PTBP2: variants seen among roughly 807,000 people sequenced by gnomAD.
PTBP2 encodes polypyrimidine tract binding protein 2.
A neutral mutation model predicts 61.4 loss-of-function variants in PTBP2; 13 were observed. The observed-to-expected ratio is 0.21, with a 90% confidence interval of 0.14 to 0.34. The LOEUF is 0.34. Ranked by LOEUF, PTBP2 falls within the 10% of genes least tolerant of loss-of-function variation. PTBP2 has a pLI of 1.00. For missense variants in PTBP2, 405 were observed against 642.6 expected, an observed-to-expected ratio of 0.63 and a Z score of 4.00; for synonymous variants, 215 against 218.5, an observed-to-expected ratio of 0.98 and a Z score of 0.14.
At chr1:96,737,860 T>C (rs1168819227) in intron 2 of PTBP2, among the ~76,000 whole-genome samples, 5 of 152,206 alleles carry the variant, frequency 3.3e-5, no homozygotes, top group African/African-American at 1.2e-4. Flanking sequence ...ATATATGTTT[T>C]CATAACTACT....
At chr1:96,819,389 C>T (rs1427973787), downstream of PTBP2, 3 of 151,962 alleles carry the variant, frequency 2.0e-5, no homozygotes, top group African/African-American at 7.2e-5. Context: ...TTATGGCTAG[C>T]AATCTTATCT....
chr1:96,735,183 G>T (rs1287673232), intron 2 of PTBP2, among the ~76,000 whole-genome samples: 1 of 152,106 alleles, frequency 6.6e-6, no homozygotes, highest in East Asian at 1.9e-4. Context: ...TTCCCAAAGT[G>T]CTGGGATTAT....
At chr1:96,759,961 GAA>G (rs1341811936) in intron 3 of PTBP2, among the ~76,000 whole-genome samples, 6 of 152,186 alleles carry the variant, frequency 3.9e-5, no homozygotes, top group Non-Finnish European at 8.8e-5. Flanking sequence ...AACAGGCAAA[GAA>G]AAGAGAGCTT....
At chr1:96,758,970 T>A (rs896469811) in intron 3 of PTBP2, among the ~76,000 whole-genome samples, 1 of 152,176 alleles carries the variant, frequency 6.6e-6, no homozygotes, top group East Asian at 1.9e-4. Context: ...GGATACAAGT[T>A]CTATGTACAG....
chr1:96,806,973 T>C lies in PTBP2; in HGVS notation c.1171+15T>C, dbSNP rs1661551880. On this transcript the variant is annotated intron_variant, in intron 11 of 13. Coordinates refer to ENST00000674951, the MANE Select transcript of PTBP2 (RefSeq NM_021190.4). ...ATCACAACTTGGTAAGATTAAACTATGTTTTATCTATACATCTTCACTTCT... is the reference window on the plus strand; with the variant it reads ...ATCACAACTTGGTAAGATTAAACTACGTTTTATCTATACATCTTCACTTCT... 1.3e-6 allele frequency: 2 copies of C among 1,555,148 alleles called. No individual in the cohort carries two copies. Among genetic ancestry groups the C allele is most frequent in the Admixed American group, 1.8e-5 (1 of 55,592 alleles).
chr1:96,774,174 T>C (rs1449535841), intron 5 of PTBP2, among the ~76,000 whole-genome samples: 2 of 151,964 alleles, frequency 1.3e-5, no homozygotes, highest in Non-Finnish European at 2.9e-5. Context: ...TTGTTGTTGT[T>C]TTCTTCTTTT....
intron 2 of PTBP2, among the ~76,000 whole-genome samples, chr1:96,725,926 T>C (rs1399126972): frequency 6.6e-6 from 1 of 151,066 alleles, no homozygotes; most frequent in Non-Finnish European, 1.5e-5. Context: ...ATACAAAAAA[T>C]TAGCCGGGTG....
At chr1:96,733,844 C>T (rs554676296) in intron 2 of PTBP2, among the ~76,000 whole-genome samples, 3 of 152,316 alleles carry the variant, frequency 2.0e-5, no homozygotes, top group African/African-American at 7.2e-5. Context: ...TTAGCCTACT[C>T]AGCGTGAAGA....
At position 96,751,499 on chromosome 1, in the gene PTBP2, A is replaced by G. The variant is rs146408507; in HGVS notation, c.114A>G (p.Thr38=). The G allele has an allele frequency of 2.9e-5, 46 of 1,610,188 alleles. No homozygotes were observed. Among genetic ancestry groups the G allele is most frequent in the Non-Finnish European group, 3.7e-5 (43 of 1,177,072 alleles). Residue 38 remains threonine (T), a splice_region_variant and synonymous_variant, in exon 3 of 14, where the codon ACA becomes ACG. Coordinates refer to ENST00000674951, the MANE Select transcript of PTBP2 (RefSeq NM_021190.4). ...CTAATATGAGCAGCATGGTAGTTAC[A>G]GGTAAGTGTTACTCTCTTAGCAGTC... The part of the protein sequence containing the change: ...PNSNMSSMVV[T]ANGNDSKKFK...
chr1:96,818,943 A>T (rs181147680), downstream of PTBP2: 1 of 152,116 alleles, frequency 6.6e-6, no homozygotes, highest in East Asian at 1.9e-4. Flanking sequence ...TATAATACTG[A>T]TCAAAAGAAA....
intron 7 of PTBP2, among the ~76,000 whole-genome samples, chr1:96,780,254 T>C (rs1182843853): frequency 6.6e-6 from 1 of 151,930 alleles, no homozygotes; most frequent in Non-Finnish European, 1.5e-5. Context: ...ATTGGCCACT[T>C]TTCACCAGTT....
At chr1:96,762,307 C>T (rs1379388828) in intron 3 of PTBP2, among the ~76,000 whole-genome samples, 9 of 150,064 alleles carry the variant, frequency 6.0e-5, no homozygotes, top group Middle Eastern at 7.0e-3. Flanking sequence ...TAGGGGCGGC[C>T]GGGCAGAGGC....
At chr1:96,779,705 C>G (rs1658437649) in intron 7 of PTBP2, among the ~76,000 whole-genome samples, 1 of 152,092 alleles carries the variant, frequency 6.6e-6, no homozygotes, top group Admixed American at 6.6e-5. Context: ...TCAGAACTCA[C>G]ACTTCACTTA....
chr1:96,763,753 G>T (rs1346544582), intron 3 of PTBP2, among the ~76,000 whole-genome samples: 1 of 152,140 alleles, frequency 6.6e-6, no homozygotes, highest in Non-Finnish European at 1.5e-5. Context: ...TTTAATACAA[G>T]AAGTCAGTTT....
chr1:96,737,664 T>C (rs1441076030), intron 2 of PTBP2, among the ~76,000 whole-genome samples: 4 of 152,140 alleles, frequency 2.6e-5, no homozygotes, highest in Non-Finnish European at 5.9e-5. Flanking sequence ...GTTGAGGAAG[T>C]AAGTAATTTT....
intron 8 of PTBP2, among the ~76,000 whole-genome samples, chr1:96,795,452 T>C (rs1660281959): frequency 6.6e-6 from 1 of 152,160 alleles, no homozygotes. Flanking sequence ...AAGAGTTCTG[T>C]GGAGTTGTGA....
intron 2 of PTBP2, among the ~76,000 whole-genome samples, chr1:96,734,565 G>A (rs1158420375): frequency 2.0e-5 from 3 of 150,704 alleles, no homozygotes; most frequent in African/African-American, 4.9e-5. Flanking sequence ...CAAGCTCTCC[G>A]TTCCTGTTTT....
intron 3 of PTBP2, among the ~76,000 whole-genome samples, chr1:96,756,033 G>A (rs931113723): frequency 1.2e-4 from 18 of 152,208 alleles, no homozygotes; most frequent in Admixed American, 2.0e-4. Context: ...TGGAGCAACA[G>A]GAACTCTCAC....
chr1:96,768,686 TA>T lies in PTBP2; in HGVS notation c.116-1015del, dbSNP rs1439062700. ...GGTGAAGTTTTGGAATGAAGACAGT[TA>T]ACTAATTTGTTGATTGAATTATGTT... On this transcript the variant is annotated intron_variant, in intron 3 of 13. Coordinates refer to ENST00000674951, the MANE Select transcript of PTBP2 (RefSeq NM_021190.4). 3.9e-5 allele frequency among the ~76,000 whole-genome samples: 6 copies of T among 152,008 alleles called. No homozygotes were observed. The East Asian group carries it at 1.2e-3, about 29-fold the overall frequency.
Sources: gnomAD v4.1 joint callset for allele counts (sites outside exome capture counted in the v4.1 genomes callset) on GRCh38, gnomAD v4.1.1 for gene constraint, MANE v1.5 for transcripts, NCBI Gene and HGNC (gene_info 2026-07-23, HGNC 2026-07-21) for gene names.